Variants in RNF169 observed in about 807,000 individuals in gnomAD.
The protein encoded by RNF169 is E3 ubiquitin-protein ligase RNF169.
RNF169 carries 24 observed loss-of-function variants against 53.9 expected under a neutral mutation model. That is an observed-to-expected ratio of 0.45 (90% confidence interval 0.32 to 0.63). The LOEUF (loss-of-function observed/expected upper bound fraction) is 0.63. Ranked by LOEUF, RNF169 falls within the 20% of genes least tolerant of loss-of-function variation. The pLI is 0.04. For missense variants in RNF169, 883 were observed against 906.2 expected (o/e 0.97, Z 0.33); for synonymous variants, 396 against 363.5 (o/e 1.09, Z -1.02).
At chr11:74,814,517 G>A (rs2035918244) in intron 3 of RNF169, among the ~76,000 whole-genome samples, 2 of 151,338 alleles carry the variant, frequency 1.3e-5, no homozygotes, top group Admixed American at 1.3e-4. Flanking sequence ...AAGTAGCTGG[G>A]ACCACAGGCG....
At position 74,836,767 on chromosome 11, in the gene RNF169, A is replaced by G. The variant is rs745725710; in HGVS notation, c.*37A>G. ...GTGTTACCTATTTTTAAAAGGTCTT[A>G]GGCCTTGATCATTTATCCTGAAGAG... On this transcript the variant is annotated 3_prime_UTR_variant, in exon 6 of 6. Transcript: ENST00000299563. The G allele has an allele frequency of 5.1e-4, 760 of 1,483,946 alleles. 1 individual carries two copies. The highest frequency in any genetic ancestry group is 6.7e-4 in the Non-Finnish European group (734 of 1,094,362). 91.9% of individuals were successfully genotyped at this position (1,483,946 alleles called of 1,614,324 possible).
rs1035407142 is a variant in RNF169 at position 74,749,047 on chromosome 11, AGCCGCCGCTGCC to A, written c.173_184del (p.Pro58_Pro61del). The A allele has an allele frequency of 2.0e-6, 3 of 1,467,912 alleles. No homozygotes were observed. The African/African-American group carries it at 4.4e-5, about 22-fold the overall frequency. 90.9% of individuals were successfully genotyped at this position (1,467,912 alleles called of 1,614,324 possible). On this transcript the variant is annotated inframe_deletion, in exon 1 of 6. Coordinates refer to ENST00000299563, the MANE Select transcript of RNF169 (RefSeq NM_001098638.2). The stretch of plus-strand genomic sequence containing the variant: ...TTGGTGTTGTCGCCGCCGTTGCTGC[AGCCGCCGCTGCC>A]GCCGCGGCCGGAGGAATCGGGCTGC...
At chr11:74,821,378 G>GTCCAGAATAGGCAAATACGTAGAGA (rs1348588704) in intron 4 of RNF169, among the ~76,000 whole-genome samples, 5 of 131,608 alleles carry the variant, frequency 3.8e-5, no homozygotes, top group African/African-American at 7.2e-5. Flanking sequence ...ACAAGTGCGG[G>GTCCAGAATAGGCAAATACGTAGAGA]CCGGGCGCGG....
chr11:74,780,696 G>A (rs778744875), intron 1 of RNF169, among the ~76,000 whole-genome samples: 1 of 152,178 alleles, frequency 6.6e-6, no homozygotes, highest in Non-Finnish European at 1.5e-5. Context: ...TTCTGGCTAT[G>A]ATGAAGCAGA....
intron 3 of RNF169, among the ~76,000 whole-genome samples, chr11:74,810,711 T>C (rs906698428): frequency 1.1e-4 from 17 of 152,230 alleles, no homozygotes; most frequent in African/African-American, 4.1e-4. Context: ...TTTACTTTCC[T>C]TTATTTGTTG....
chr11:74,806,781 C>T (rs1371140045), intron 2 of RNF169, among the ~76,000 whole-genome samples: 1 of 151,460 alleles, frequency 6.6e-6, no homozygotes, highest in African/African-American at 2.4e-5. Context: ...ATGGTTTCTA[C>T]CATAGTTCAC....
intron 1 of RNF169, among the ~76,000 whole-genome samples, chr11:74,765,872 A>G (rs2035166646): frequency 6.6e-6 from 1 of 152,030 alleles, no homozygotes; most frequent in Admixed American, 6.6e-5. Flanking sequence ...AAGAAGTTAA[A>G]AAAAGTAACA....
chr11:74,789,426 T>C (rs1290249750), intron 1 of RNF169, among the ~76,000 whole-genome samples, 200 bp from the exon 2 acceptor site: 1 of 152,188 alleles, frequency 6.6e-6, no homozygotes, highest in East Asian at 1.9e-4. Flanking sequence ...CAAATATACA[T>C]TGAGGGTATA....
In RNF169 at chr11:74,769,718, A is replaced by G. The variant is rs534691249; in HGVS notation, c.503-19908A>G. ...ATATGTATCCTTTGATGCCATTTAT[A>G]TAAGTAAAAGTACGGAAGATAGGAG... On this transcript the variant is annotated intron_variant, in intron 1 of 5. Transcript: ENST00000299563. Among the ~76,000 whole-genome samples the G allele has an allele frequency of 1.7e-4, 26 of 152,358 alleles. No individual in the cohort carries two copies. The South Asian group carries it at 2.9e-3, about 17-fold the overall frequency.
chr11:74,810,224 A>G lies in RNF169; in HGVS notation c.617A>G (p.Asp206Gly). 1 of 1,613,612 alleles carries G rather than the reference A, an allele frequency of 6.2e-7. No homozygotes were observed. Among genetic ancestry groups the G allele is most frequent in the Non-Finnish European group, 8.5e-7 (1 of 1,179,774 alleles). Residue 206 changes from aspartate (D) to glycine (G), a missense_variant, in exon 3 of 6, where the codon GAT becomes GGT. Transcript: ENST00000299563. ...TTACAAGAGGAAAAACCCTCTGAAG[A>G]TCAAATCCACAAGCTGTTACCAGAG... ...EKLQEEKPSE[D>G]QIHKLLPEDT...
intron 4 of RNF169, among the ~76,000 whole-genome samples, chr11:74,819,462 C>G (rs1022631315): frequency 3.3e-5 from 5 of 152,200 alleles, no homozygotes; most frequent in African/African-American, 1.2e-4. Context: ...CTCCTCTAGA[C>G]TTTAAACTCA....
chr11:74,835,804 G>T lies in RNF169; in HGVS notation c.1201G>T (p.Val401Leu), dbSNP rs201032888. The T allele has an allele frequency of 6.2e-7, 1 of 1,614,190 alleles. No individual in the cohort carries two copies. Among genetic ancestry groups the T allele is most frequent in the African/African-American group, 1.3e-5 (1 of 75,052 alleles). The part of the protein sequence containing the change: ...TPPKRLPDGR[V>L]LSPLIIKSTP... ...TCCCAAGAGACTCCCTGATGGCCGT[G>T]TGCTAAGTCCTCTCATCATCAAATC... Residue 401 changes from valine to leucine, a missense_variant, in exon 6 of 6, where the codon GTG becomes TTG. This residue lies in a region of RNF169 where 219 missense variants were observed against 289.1 expected (regional missense o/e 0.76). Transcript: ENST00000299563.
rs781367289 is a variant in RNF169 at position 74,836,479 on chromosome 11, T to C, written c.1876T>C (p.Cys626Arg). The part of the protein sequence containing the change: ...PSLRRGRKRH[C>R]KTKHLEQNGS... The stretch of plus-strand genomic sequence containing the variant: ...TTTGCGTCGAGGCCGGAAAAGACAC[T>C]GCAAGACCAAGCACTTAGAACAAAA... The change falls in exon 6 of 6, where the codon TGC (cysteine) becomes CGC (arginine). Residue 626 changes from cysteine to arginine, a missense_variant. Physicochemically the swap from Cys to Arg is radical, Grantham distance 180 (BLOSUM62 -3). Transcript: ENST00000299563. 2.4e-5 allele frequency: 38 copies of C among 1,614,084 alleles called. No homozygotes were observed. Among genetic ancestry groups the C allele is most frequent in the Non-Finnish European group, 3.1e-5 (37 of 1,180,042 alleles).
chr11:74,751,286 C>G (rs569203631), intron 1 of RNF169, among the ~76,000 whole-genome samples: 2 of 152,226 alleles, frequency 1.3e-5, no homozygotes, highest in South Asian at 4.1e-4. Flanking sequence ...GATGAAAACC[C>G]GATTCTATCC....
At position 74,839,093 on chromosome 11, in the gene RNF169, A is replaced by G. The variant is rs1473481413; in HGVS notation, c.*2363A>G. The G allele has an allele frequency of 1.3e-5, 2 of 152,222 alleles. No homozygotes were observed. The highest frequency in any genetic ancestry group is 2.9e-5 in the Non-Finnish European group (2 of 68,040). 9.4% of individuals were successfully genotyped at this position (152,222 alleles called of 1,614,324 possible). On this transcript the variant is annotated 3_prime_UTR_variant, in exon 6 of 6. Transcript: ENST00000299563. ...TAAGAATTGCATAGCAGTTGTAACA[A>G]GTGCAGAATGAAGAACAAATTCTTG...
chr11:74,760,043 G>T (rs1419254764), intron 1 of RNF169, among the ~76,000 whole-genome samples: 5 of 151,586 alleles, frequency 3.3e-5, no homozygotes, highest in East Asian at 1.9e-4. Context: ...TCTTGGGAGA[G>T]TGTATGTGTC....
intron 3 of RNF169, among the ~76,000 whole-genome samples, chr11:74,811,185 T>G (rs1166112127): frequency 6.6e-6 from 1 of 152,172 alleles, no homozygotes; most frequent in Non-Finnish European, 1.5e-5. Flanking sequence ...GGTCCCAGCA[T>G]TGTAACTGTT....
intron 1 of RNF169, among the ~76,000 whole-genome samples, chr11:74,784,946 A>C (rs1466039832): frequency 6.6e-6 from 1 of 152,138 alleles, no homozygotes; most frequent in Non-Finnish European, 1.5e-5. Flanking sequence ...GCACTTGTGC[A>C]TATGCATGCA....
intron 4 of RNF169, among the ~76,000 whole-genome samples, chr11:74,827,350 C>G (rs1455730970): frequency 1.3e-5 from 2 of 152,210 alleles, no homozygotes; most frequent in East Asian, 3.8e-4. Flanking sequence ...CCCACGAAAC[C>G]ATTTTCTCCT....
Sources: allele counts gnomAD v4.1 joint callset (sites outside exome capture counted in the v4.1 genomes callset), GRCh38; gene constraint gnomAD v4.1.1; regional missense constraint gnomAD v4.1.1; transcripts MANE v1.5; gene names NCBI Gene and HGNC (gene_info 2026-07-23, HGNC 2026-07-21).